SBNO1: variants seen among roughly 807,000 people sequenced by gnomAD.
SBNO1 encodes strawberry notch homolog 1.
Under a neutral mutation model 173.6 loss-of-function variants are expected in SBNO1, and 23 were observed. The observed-to-expected ratio is 0.13, with a 90% CI of 0.10 to 0.19. The LOEUF (loss-of-function observed/expected upper bound fraction) is 0.19. SBNO1 is among the 10% of genes least tolerant of loss of function. The pLI is 1.00. For synonymous variants in SBNO1, 632 were observed against 571.5 expected (o/e 1.11, Z -1.51); for missense variants, 1,238 against 1,671.2 (o/e 0.74, Z 4.52).
At chr12:123,363,786 G>C in intron 1 of SBNO1, 15 of 875,300 alleles carry the variant, frequency 1.7e-5, no homozygotes, top group Non-Finnish European at 2.1e-5. Flanking sequence ...CTCTGTGCGA[G>C]GATCAAGTTA....
intron 1 of SBNO1, among the ~76,000 whole-genome samples, chr12:123,356,744 C>T (rs1478908233): frequency 6.6e-6 from 1 of 152,178 alleles, no homozygotes; most frequent in East Asian, 1.9e-4. Context: ...GTGCCCTGCA[C>T]ATATCAATTA....
chr12:123,331,879 G>A (rs1871256292), intron 7 of SBNO1, among the ~76,000 whole-genome samples: 2 of 151,314 alleles, frequency 1.3e-5, no homozygotes, highest in Non-Finnish European at 2.9e-5. Context: ...TTTGAAACGG[G>A]GTCTCGCTCT....
chr12:123,316,343 G>A (rs929981966), intron 21 of SBNO1, among the ~76,000 whole-genome samples: 1 of 152,030 alleles, frequency 6.6e-6, no homozygotes, highest in Admixed American at 6.6e-5. Flanking sequence ...TCCTACCTCT[G>A]CCTCCTGAGT....
rs1334365212 is a variant in SBNO1 at position 123,350,347 on chromosome 12, C to T, written c.95G>A (p.Gly32Glu). ...DLFDIDGGDA[G>E]LATPMPTPSV... ...CGGGGTAGGCATTGGAGTTGCAAGC[C>T]CTGCATCTCCACCATCAATATCAAA... Residue 32 changes from glycine to glutamate, a missense_variant, in exon 2 of 32, where the codon GGG becomes GAG. This residue lies in a region of SBNO1 where 287 missense variants were observed against 274.1 expected (regional missense o/e 1.05). Transcript: ENST00000602398. The T allele has an allele frequency of 6.2e-7, 1 of 1,614,042 alleles. No individual in the cohort carries two copies. Among genetic ancestry groups the T allele is most frequent in the Non-Finnish European group, 8.5e-7 (1 of 1,179,956 alleles).
chr12:123,305,721 C>T (rs2048897737), intron 28 of SBNO1, among the ~76,000 whole-genome samples: 1 of 152,136 alleles, frequency 6.6e-6, no homozygotes, highest in Non-Finnish European at 1.5e-5. Context: ...GATCCACCCG[C>T]CCCGGCCTCC....
At chr12:123,348,439 T>C (rs1873481746) in intron 2 of SBNO1, among the ~76,000 whole-genome samples, 1 of 152,124 alleles carries the variant, frequency 6.6e-6, no homozygotes, top group Non-Finnish European at 1.5e-5. Flanking sequence ...CTGTCCAACA[T>C]GGTGAAACCC....
intron 28 of SBNO1, 133 bp from the exon 29 acceptor site, chr12:123,304,852 G>T (rs2048876234): frequency 1.6e-6 from 1 of 630,524 alleles, no homozygotes; most frequent in Non-Finnish European, 2.7e-6. Context: ...CTTCAAAAAG[G>T]ACCGAAAATG....
In SBNO1 at chr12:123,309,736, T is replaced by C. The variant is rs1350232618; in HGVS notation, c.3416A>G (p.Asn1139Ser). ...TAAGATTCCCATATCATATCTTCCA[T>C]TTTTTTTGGCATTTTGAACAACTGC... ...LTAVVQNAKK[N>S]GRYDMGILDL... Residue 1139 changes from asparagine to serine, a missense_variant, in exon 26 of 32, where the codon AAT becomes AGT. This residue lies in a region of SBNO1 where 351 missense variants were observed against 420.3 expected (regional missense o/e 0.84). Transcript: ENST00000602398. 9 of 1,596,638 alleles carry C rather than the reference T, an allele frequency of 5.6e-6. No individual in the cohort carries two copies. The highest frequency in any genetic ancestry group is 7.7e-6 in the Non-Finnish European group (9 of 1,169,286).
intron 19 of SBNO1, 133 bp downstream of exon 19, chr12:123,320,299 A>G (rs1869804270): frequency 4.4e-6 from 4 of 911,936 alleles, no homozygotes; most frequent in Non-Finnish European, 6.6e-6. Flanking sequence ...TGGATGTAGG[A>G]TGGCAACTAA....
At chr12:123,351,453 C>T (rs1873870493) in intron 1 of SBNO1, among the ~76,000 whole-genome samples, 1 of 152,064 alleles carries the variant, frequency 6.6e-6, no homozygotes, top group Admixed American at 6.6e-5. Flanking sequence ...CTAGAGACCC[C>T]GTATCTACAA....
chr12:123,345,546 ATGT>A lies in SBNO1; in HGVS notation c.259_261del (p.Thr87del). 2 of 1,613,936 alleles carry A rather than the reference ATGT, an allele frequency of 1.2e-6. No homozygotes were observed. The highest frequency in any genetic ancestry group is 1.7e-6 in the Non-Finnish European group (2 of 1,179,794). On this transcript the variant is annotated inframe_deletion, in exon 4 of 32. Coordinates refer to ENST00000602398, the MANE Select transcript of SBNO1 (RefSeq NM_001167856.3). ...AGATGATTTATTTGATTCAGCACAAATGTTGTAGTAGATGGAGGCTGCTGCTAG... is the reference window on the plus strand; with the variant it reads ...AGATGATTTATTTGATTCAGCACAAATGTAGTAGATGGAGGCTGCTGCTAG...
intron 20 of SBNO1, among the ~76,000 whole-genome samples, chr12:123,318,899 CAT>C (rs1366225642): frequency 6.7e-6 from 1 of 150,212 alleles, no homozygotes; most frequent in Non-Finnish European, 1.5e-5. Context: ...TATGGACACA[CAT>C]AAATATTTTA....
At position 123,320,518 on chromosome 12, in the gene SBNO1, T is replaced by G; in HGVS notation, c.2581A>C (p.Lys861Gln). The G allele has an allele frequency of 6.2e-7, 1 of 1,614,146 alleles. No individual in the cohort carries two copies. The highest frequency in any genetic ancestry group is 1.1e-5 in the South Asian group (1 of 91,080). ...AQQMKKDLLD[K>Q]LEKLAEDLPP... ...AGGTCTTCAGCTAATTTTTCTAGCT[T>G]ATCAAGCAGGTCTTTCTTCATCTGC... Residue 861 changes from lysine (K) to glutamine (Q), a missense_variant, in exon 19 of 32, where the codon AAG becomes CAG. Lys to Gln is a moderately conservative substitution (Grantham distance 53). Transcript: ENST00000602398.
chr12:123,305,725 G>A (rs1249528238), intron 28 of SBNO1, among the ~76,000 whole-genome samples: 3 of 151,968 alleles, frequency 2.0e-5, no homozygotes, highest in South Asian at 2.1e-4. Flanking sequence ...CACCCGCCCC[G>A]GCCTCCCAAA....
Position 123,323,746 on chromosome 12 carries a change from C to G in SBNO1, c.2059G>C (p.Ala687Pro). Residue 687 changes from alanine to proline, a missense_variant, in exon 16 of 32, where the codon GCT becomes CCT. Physicochemically the swap from Ala to Pro is conservative, Grantham distance 27. Around this residue, in one of 14 missense-constraint regions of SBNO1, gnomAD observed 81 missense variants for 82.6 expected, o/e 0.98. Transcript: ENST00000602398. ...LYSLLGIDLT[A>P]PSNNSSPRDS... Reference sequence around the variant, plus strand: ...CTTGGCGAACTGTTGTTACTTGGAGCTGTCAAATCGATTCCTAGTAAACTA... The same window carrying G: ...CTTGGCGAACTGTTGTTACTTGGAGGTGTCAAATCGATTCCTAGTAAACTA... The G allele has an allele frequency of 6.2e-7, 1 of 1,612,678 alleles. No individual in the cohort carries two copies. Among genetic ancestry groups the G allele is most frequent in the Non-Finnish European group, 8.5e-7 (1 of 1,179,418 alleles).
chr12:123,355,227 G>A (rs1874312711), intron 1 of SBNO1, among the ~76,000 whole-genome samples: 2 of 152,050 alleles, frequency 1.3e-5, no homozygotes, highest in Non-Finnish European at 2.9e-5. Flanking sequence ...CATCATGTTG[G>A]CCAGGATGGT....
intron 29 of SBNO1, among the ~76,000 whole-genome samples, chr12:123,303,286 T>C (rs754309117): frequency 2.6e-5 from 4 of 152,190 alleles, no homozygotes; most frequent in African/African-American, 4.8e-5. Flanking sequence ...GAGAAGGGCT[T>C]TAAACATTCT....
chr12:123,328,654 G>T, intron 10 of SBNO1, 80 bp downstream of exon 10: 1 of 1,126,306 alleles, frequency 8.9e-7, no homozygotes. Context: ...TTAATCTCAA[G>T]ATTCCTGTTT....
At chr12:123,364,163 G>T (rs889532181) in intron 1 of SBNO1, 4 of 985,444 alleles carry the variant, frequency 4.1e-6, no homozygotes, top group Non-Finnish European at 3.6e-6. Flanking sequence ...CCCAAGAGCG[G>T]GGCATGTACG....
Sources: allele counts gnomAD v4.1 joint callset (sites outside exome capture counted in the v4.1 genomes callset), GRCh38; gene constraint gnomAD v4.1.1; regional missense constraint gnomAD v4.1.1; transcripts MANE v1.5; gene names NCBI Gene and HGNC (gene_info 2026-07-23, HGNC 2026-07-21).